Variants in AGBL1 observed in about 807,000 individuals in gnomAD.
AGBL1 encodes the protein cytosolic carboxypeptidase 4.
A neutral mutation model predicts 118.9 loss-of-function variants in AGBL1; 130 were observed. That is an observed-to-expected ratio of 1.09 (90% CI 0.95 to 1.26). The LOEUF (loss-of-function observed/expected upper bound fraction) is 1.26. AGBL1 is among the 50% of genes most tolerant of loss of function. AGBL1 has a pLI of 0.00. For missense variants in AGBL1, 1,584 were observed against 1,298.1 expected (o/e 1.22, Z -3.38); for synonymous variants, 555 against 478.9 (o/e 1.16, Z -2.08).
In AGBL1 at chr15:86,158,999, A is replaced by T; in HGVS notation, c.461A>T (p.Tyr154Phe). ...MELLFKVITP[Y>F]TRKRTQAIRA... ...CTGCTTTTCAAGGTTATTACTCCTT[A>T]CACCCGAAAGCGCACCCAAGCAATC... The change falls in exon 5 of 23, where the codon TAC becomes TTC. Residue 154 changes from tyrosine (Y) to phenylalanine (F), a missense_variant. Transcript: ENST00000614907. The T allele has an allele frequency of 6.2e-7, 1 of 1,613,386 alleles. No individual in the cohort carries two copies.
At chr15:86,969,043 C>T (rs2081081972) in intron 23 of AGBL1, among the ~76,000 whole-genome samples, 1 of 151,952 alleles carries the variant, frequency 6.6e-6, no homozygotes, top group Non-Finnish European at 1.5e-5. Context: ...ACATTTAAAT[C>T]ATAGTACTCT....
intron 24 of AGBL1, among the ~76,000 whole-genome samples, chr15:87,005,974 G>T (rs1352849261): frequency 6.6e-6 from 1 of 152,204 alleles, no homozygotes; most frequent in Non-Finnish European, 1.5e-5. Context: ...GACCCTGTTT[G>T]CCTGGATATT....
At chr15:86,465,291 C>G (rs1350616953) in intron 18 of AGBL1, among the ~76,000 whole-genome samples, 1 of 152,180 alleles carries the variant, frequency 6.6e-6, no homozygotes, top group Non-Finnish European at 1.5e-5. Flanking sequence ...TTACTTTAAT[C>G]TCTCAATCCT....
chr15:86,605,087 G>A (rs570078805), intron 21 of AGBL1, among the ~76,000 whole-genome samples: 45 of 152,150 alleles, frequency 3.0e-4, no homozygotes, highest in South Asian at 1.5e-3. Flanking sequence ...GAGCCACCGC[G>A]CTCAGCTCAC....
chr15:87,006,641 G>T (rs947173422), intron 24 of AGBL1, among the ~76,000 whole-genome samples: 1 of 152,136 alleles, frequency 6.6e-6, no homozygotes, highest in Non-Finnish European at 1.5e-5. Context: ...TGCACTTCCC[G>T]GGTGAGGCAA....
At chr15:86,585,202 A>G (rs1355355229) in intron 21 of AGBL1, among the ~76,000 whole-genome samples, 4 of 152,104 alleles carry the variant, frequency 2.6e-5, no homozygotes, top group Non-Finnish European at 5.9e-5. Flanking sequence ...TGCTCTGGCT[A>G]GTACTTCCTC....
intron 18 of AGBL1, among the ~76,000 whole-genome samples, chr15:86,494,341 C>T (rs983766088): frequency 6.6e-6 from 1 of 152,032 alleles, no homozygotes; most frequent in African/African-American, 2.4e-5. Context: ...CTAATCTCCT[C>T]CCTCCTAGAA....
At chr15:86,257,893 G>A in intron 8 of AGBL1, 71 bp from the exon 9 acceptor site, 1 of 1,484,142 alleles carries the variant, frequency 6.7e-7, no homozygotes, top group Non-Finnish European at 9.3e-7. Flanking sequence ...CCACTGTATG[G>A]TGAAAATCTA....
intron 22 of AGBL1, among the ~76,000 whole-genome samples, chr15:86,839,665 T>C (rs1211516984): frequency 6.6e-6 from 1 of 152,136 alleles, no homozygotes; most frequent in Non-Finnish European, 1.5e-5. Flanking sequence ...ATATGACAAC[T>C]AAATATGACA....
intron 22 of AGBL1, among the ~76,000 whole-genome samples, chr15:86,725,639 A>G (rs2086807595): frequency 6.6e-6 from 1 of 152,198 alleles, no homozygotes; most frequent in Non-Finnish European, 1.5e-5. Flanking sequence ...CTCTTCCAGA[A>G]ACATTCCTTT....
chr15:86,529,822 G>T (rs1244154302), intron 19 of AGBL1, among the ~76,000 whole-genome samples: 3 of 150,254 alleles, frequency 2.0e-5, no homozygotes, highest in Admixed American at 6.6e-5. Context: ...TTAAAGAAAA[G>T]AATTTTCAAC....
intron 16 of AGBL1, among the ~76,000 whole-genome samples, chr15:86,291,660 G>A (rs1321526717): frequency 6.6e-6 from 1 of 152,226 alleles, no homozygotes; most frequent in Non-Finnish European, 1.5e-5. Context: ...GTGGTCATGA[G>A]AGATTAGGTT....
At chr15:86,400,885 GT>G (rs2081435448) in intron 18 of AGBL1, among the ~76,000 whole-genome samples, 1 of 151,948 alleles carries the variant, frequency 6.6e-6, no homozygotes. Flanking sequence ...ACTTAGGTTG[GT>G]TCCATATCTC....
intron 23 of AGBL1, among the ~76,000 whole-genome samples, chr15:86,921,318 C>T (rs555998793): frequency 2.0e-5 from 3 of 152,190 alleles, no homozygotes; most frequent in Non-Finnish European, 2.9e-5. Flanking sequence ...AGAAAATGGC[C>T]GTCAGAGTTC....
At chr15:86,425,396 G>C (rs2081854796) in intron 18 of AGBL1, among the ~76,000 whole-genome samples, 1 of 152,022 alleles carries the variant, frequency 6.6e-6, no homozygotes, top group Admixed American at 6.6e-5. Context: ...TTTGGGGGTG[G>C]GGGGCTAGGG....
intron 17 of AGBL1, among the ~76,000 whole-genome samples, chr15:86,303,048 GT>G (rs2141803713): frequency 6.6e-6 from 1 of 152,260 alleles, no homozygotes; most frequent in South Asian, 2.1e-4. Flanking sequence ...GAGGATAGTG[GT>G]GTCATGGAGT....
intron 21 of AGBL1, among the ~76,000 whole-genome samples, chr15:86,568,739 G>T (rs1035224252): frequency 2.0e-5 from 3 of 152,158 alleles, no homozygotes; most frequent in African/African-American, 7.2e-5. Context: ...AGATCTCCAG[G>T]TGATCCATTT....
intron 22 of AGBL1, among the ~76,000 whole-genome samples, chr15:86,707,247 T>A (rs1366302599): frequency 1.3e-5 from 2 of 152,110 alleles, no homozygotes; most frequent in Non-Finnish European, 1.5e-5. Flanking sequence ...GGAACAAAGG[T>A]CTACTCCACC....
chr15:86,939,349 T>A (rs2080716942), intron 23 of AGBL1, among the ~76,000 whole-genome samples: 1 of 152,200 alleles, frequency 6.6e-6, no homozygotes, highest in African/African-American at 2.4e-5. Flanking sequence ...GCTGCATGCT[T>A]CCTGCCCTTG....
Sources: gnomAD v4.1 joint callset for allele counts (sites outside exome capture counted in the v4.1 genomes callset) on GRCh38, gnomAD v4.1.1 for gene constraint, MANE v1.5 for transcripts, NCBI Gene and HGNC (gene_info 2026-07-23, HGNC 2026-07-21) for gene names.